MTFR1: variants seen among roughly 807,000 people sequenced by gnomAD.
MTFR1 encodes chondrocyte protein with a poly-proline region.
In MTFR1, 28 loss-of-function variants were observed where a neutral mutation model predicts 38.8. That is an observed-to-expected ratio of 0.72 (90% CI 0.53 to 0.99). The LOEUF (loss-of-function observed/expected upper bound fraction) is 0.99. Ranked by LOEUF, MTFR1 falls within the 50% of genes least tolerant of loss-of-function variation. MTFR1 has a pLI of 0.00. For missense variants in MTFR1, 358 were observed against 395.5 expected (o/e 0.91, Z 0.81); for synonymous variants, 145 against 137.0 (o/e 1.06, Z -0.41).
chr8:65,644,486 A>G (rs1197762152), upstream of MTFR1, among the ~76,000 whole-genome samples: 1 of 152,256 alleles, frequency 6.6e-6, no homozygotes, highest in Non-Finnish European at 1.5e-5. Context: ...GAAGCTGACA[A>G]AAGCACTTCC....
At chr8:65,773,894 A>G (rs550418264), downstream of MTFR1, among the ~76,000 whole-genome samples, 7 of 152,344 alleles carry the variant, frequency 4.6e-5, no homozygotes, top group African/African-American at 1.4e-4. Flanking sequence ...AGTGAATGTT[A>G]GGGGGTAGGC....
chr8:65,663,395 G>A (rs963359657), intron 1 of MTFR1, among the ~76,000 whole-genome samples: 1 of 151,838 alleles, frequency 6.6e-6, no homozygotes, highest in Non-Finnish European at 1.5e-5. Context: ...AAACACTGTG[G>A]AAGGCCGCAG....
At chr8:65,760,813 C>T (rs1202552467) in intron 3 of MTFR1, among the ~76,000 whole-genome samples, 2 of 152,142 alleles carry the variant, frequency 1.3e-5, no homozygotes, top group African/African-American at 4.8e-5. Flanking sequence ...GGGAAGGTTA[C>T]ACCCAGGTGT....
intron 2 of MTFR1, chr8:65,679,472 G>C (rs1013283411): frequency 6.6e-6 from 1 of 152,142 alleles, no homozygotes; most frequent in East Asian, 1.9e-4. Flanking sequence ...GCCAGGCATG[G>C]TGGCATTCAC....
chr8:65,772,987 G>A (rs367753097), downstream of MTFR1, among the ~76,000 whole-genome samples: 4 of 151,984 alleles, frequency 2.6e-5, no homozygotes, highest in Non-Finnish European at 5.9e-5. Context: ...CAGCCTGGGC[G>A]ACAGATTGAG....
chr8:65,731,740 T>C (rs1357592031), intron 3 of MTFR1: 3 of 152,192 alleles, frequency 2.0e-5, no homozygotes, highest in African/African-American at 4.8e-5. Context: ...TATTTTTTTT[T>C]CCACATAGAC....
intron 1 of MTFR1, among the ~76,000 whole-genome samples, chr8:65,662,851 G>A (rs1470570521): frequency 6.6e-6 from 1 of 151,644 alleles, no homozygotes; most frequent in Non-Finnish European, 1.5e-5. Flanking sequence ...TCGTCCGGAA[G>A]GGAGGTGGGG....
intron 2 of MTFR1, among the ~76,000 whole-genome samples, chr8:65,670,988 C>T (rs1023938929): frequency 2.0e-5 from 3 of 152,100 alleles, no homozygotes; most frequent in Non-Finnish European, 4.4e-5. Flanking sequence ...GACCACTGTG[C>T]CTGGCAGAAT....
At chr8:65,699,750 C>T (rs945867682) in intron 4 of MTFR1, among the ~76,000 whole-genome samples, 3 of 152,174 alleles carry the variant, frequency 2.0e-5, no homozygotes, top group African/African-American at 4.8e-5. Context: ...CCATCTTCCC[C>T]GAATGGAATC....
chr8:65,670,707 CTT>C (rs369233827), intron 2 of MTFR1, among the ~76,000 whole-genome samples: 8 of 144,356 alleles, frequency 5.5e-5, no homozygotes, highest in Admixed American at 2.8e-4. Context: ...TGTGGGTATA[CTT>C]TTTTTTTTTT....
rs1052276629 is a variant in MTFR1, at chr8:65,688,421, C to T, written c.166-5223C>T. On this transcript the variant is annotated intron_variant, in intron 3 of 7. Coordinates refer to ENST00000262146, the MANE Select transcript of MTFR1 (RefSeq NM_014637.4). The stretch of plus-strand genomic sequence containing the variant: ...TCTTAAACAAGCAAACAAAAAAAAC[C>T]CCAGAAATTCTGCTTTCAGTTTTTC... 1.5e-4 allele frequency among the ~76,000 whole-genome samples: 22 copies of T among 150,806 alleles called. 1 individual carries two copies. Among genetic ancestry groups the T allele is most frequent in the African/African-American group, 5.3e-4 (22 of 41,270 alleles).
intron 7 of MTFR1, 96 bp from the exon 8 acceptor site, chr8:65,708,880 C>A (rs1015628949): frequency 3.6e-5 from 44 of 1,234,196 alleles, no homozygotes; most frequent in Non-Finnish European, 4.9e-5. Flanking sequence ...TCATGCAGAA[C>A]ATACCCAGCC....
chr8:65,726,250 G>A (rs923538388), intron 3 of MTFR1, among the ~76,000 whole-genome samples: 2 of 152,068 alleles, frequency 1.3e-5, no homozygotes, highest in African/African-American at 2.4e-5. Flanking sequence ...TGGCAATGAC[G>A]TGAGATTTTA....
chr8:65,661,147 T>C (rs1296861779), intron 1 of MTFR1, among the ~76,000 whole-genome samples: 2 of 152,220 alleles, frequency 1.3e-5, no homozygotes, highest in Admixed American at 1.3e-4. Flanking sequence ...TGGATACATA[T>C]CATTATTCAT....
chr8:65,751,199 C>G (rs78843427), intron 3 of MTFR1, among the ~76,000 whole-genome samples: 3 of 152,132 alleles, frequency 2.0e-5, no homozygotes, highest in Non-Finnish European at 4.4e-5. Context: ...GAAAATCCCA[C>G]GAGACTTTGC....
intron 1 of MTFR1, among the ~76,000 whole-genome samples, chr8:65,669,556 GT>G (rs969791735): frequency 4.8e-4 from 70 of 144,368 alleles, no homozygotes; most frequent in East Asian, 8.0e-4. Flanking sequence ...ACACATGAAG[GT>G]TTTTTTTTTT....
chr8:65,717,199 T>C (rs1434450243), intron 2 of MTFR1, among the ~76,000 whole-genome samples: 1 of 152,230 alleles, frequency 6.6e-6, no homozygotes, highest in Non-Finnish European at 1.5e-5. Context: ...ACATCAACAC[T>C]CTTCTGTACA....
chr8:65,758,803 G>T (rs1808354739), intron 3 of MTFR1, among the ~76,000 whole-genome samples: 1 of 152,096 alleles, frequency 6.6e-6, no homozygotes, highest in Non-Finnish European at 1.5e-5. Context: ...CTAAGCATTT[G>T]CATCTTCCAC....
At chr8:65,682,868 C>T (rs1284375103) in intron 3 of MTFR1, 6 of 985,210 alleles carry the variant, frequency 6.1e-6, no homozygotes, top group African/African-American at 1.7e-5. Context: ...ATATAAGTTG[C>T]TTTCCGTCAT....
Sources: allele counts gnomAD v4.1 joint callset (sites outside exome capture counted in the v4.1 genomes callset), GRCh38; gene constraint gnomAD v4.1.1; transcripts MANE v1.5; gene names NCBI Gene and HGNC (gene_info 2026-07-23, HGNC 2026-07-21).